EFEMP1: variants seen among roughly 807,000 people sequenced by gnomAD.
EFEMP1 encodes EGF-like fibulin extracellular matrix protein 1.
EFEMP1 carries 18 observed loss-of-function variants against 65.7 expected under a neutral mutation model. That is an observed-to-expected ratio of 0.27 (90% CI 0.19 to 0.41). The LOEUF is 0.41. Ranked by LOEUF, EFEMP1 falls within the 10% of genes least tolerant of loss-of-function variation. EFEMP1 has a pLI of 1.00. For missense variants in EFEMP1, 469 were observed against 624.8 expected, an observed-to-expected ratio of 0.75 and a Z score of 2.66; for synonymous variants, 237 against 219.7, an observed-to-expected ratio of 1.08 and a Z score of -0.70.
intron 5 of EFEMP1, among the ~76,000 whole-genome samples, chr2:55,901,442 A>C (rs929549819): frequency 1.3e-5 from 2 of 152,144 alleles, no homozygotes; most frequent in Admixed American, 1.3e-4. Context: ...ATTTTAGAAG[A>C]CTCAGGTCAG....
At position 55,886,310 on chromosome 2, in the gene EFEMP1, T is replaced by A. The variant is rs201236821; in HGVS notation, c.518-4576A>T. On this transcript the variant is annotated intron_variant, in intron 5 of 11. Transcript: ENST00000355426. This position sits in a 1 kb window ranked among gnomAD's most constrained non-coding sequence, Gnocchi z 4.0. Reference sequence around the variant, plus strand: ...GATTCTTCACAATATACTTTTTTTGTTTCCAGACTGTAAACCCCTGGAGTA... The same window carrying A: ...GATTCTTCACAATATACTTTTTTTGATTCCAGACTGTAAACCCCTGGAGTA... 1.3e-5 allele frequency among the ~76,000 whole-genome samples: 2 copies of A among 152,314 alleles called. No homozygotes were observed. The highest frequency in any genetic ancestry group is 3.9e-4 in the East Asian group (2 of 5,188).
chr2:55,875,969 G>GGTCA (rs1420049588), intron 8 of EFEMP1, among the ~76,000 whole-genome samples: 1 of 151,900 alleles, frequency 6.6e-6, no homozygotes, highest in African/African-American at 2.4e-5. Flanking sequence ...ACCGTGAGGA[G>GGTCA]GTCAGGGACA....
At chr2:55,901,034 T>C (rs73940340) in intron 5 of EFEMP1, among the ~76,000 whole-genome samples, 1,932 of 152,276 alleles carry the variant, frequency 0.013, 37 homozygotes, top group African/African-American at 0.043. Flanking sequence ...TAGTAGACTT[T>C]TGGGGCAAAA....
Position 55,866,275 on chromosome 2 carries a change from A to G in EFEMP1, c.*798T>C, listed in dbSNP as rs978829493. ...ATCCATTTTGTTCTGCATCTTGTGG[A>G]AGTCCTGAATTCAGGGATGTTATTA... is the stretch of plus-strand genomic sequence containing the variant. On this transcript the variant is annotated 3_prime_UTR_variant, in exon 12 of 12. Transcript: ENST00000355426. 1.3e-5 allele frequency: 2 copies of G among 152,190 alleles called. No individual in the cohort carries two copies. Among genetic ancestry groups the G allele is most frequent in the East Asian group, 3.9e-4 (2 of 5,194 alleles). 9.4% of individuals were successfully genotyped at this position (152,190 alleles called of 1,614,324 possible). A position where few individuals can be genotyped will look rare whatever the true frequency, so the allele number is the denominator to read the frequency against.
intron 5 of EFEMP1, among the ~76,000 whole-genome samples, chr2:55,909,065 A>G (rs1360288113): frequency 2.0e-5 from 3 of 152,190 alleles, no homozygotes; most frequent in Non-Finnish European, 4.4e-5. Flanking sequence ...TGAGACCTCC[A>G]TGTTAAAAGG....
chr2:55,869,411 A>G (rs1668714109), intron 11 of EFEMP1, among the ~76,000 whole-genome samples: 1 of 152,182 alleles, frequency 6.6e-6, no homozygotes, highest in South Asian at 2.1e-4. Flanking sequence ...TGTCAAATTT[A>G]AAATATCAAA....
In EFEMP1 at chr2:55,871,030, C is replaced by T; in HGVS notation, c.1094G>A (p.Cys365Tyr). The T allele has an allele frequency of 6.2e-7, 1 of 1,613,682 alleles. No homozygotes were observed. Among genetic ancestry groups the T allele is most frequent in the East Asian group, 2.2e-5 (1 of 44,882 alleles). ...GGFRCYPRNPCQDPYILTPEN... is the reference protein window; with the variant it reads ...GGFRCYPRNPYQDPYILTPEN... Reference sequence around the variant, plus strand: ...TGGTGTTAGAATGTAGGGATCTTGACAAGGATTTCGTGGATAACAACGGAA... The same window carrying T: ...TGGTGTTAGAATGTAGGGATCTTGATAAGGATTTCGTGGATAACAACGGAA... The change falls in exon 10 of 12, where the codon TGT becomes TAT. Residue 365 changes from cysteine (C) to tyrosine (Y), a missense_variant. Cys to Tyr is a radical substitution (Grantham distance 194). Around this residue, in one of 3 missense-constraint regions of EFEMP1, gnomAD observed 399 missense variants for 528.2 expected, o/e 0.76. Transcript: ENST00000355426. The surrounding 1 kb of genome is among the most constrained non-coding windows in gnomAD (Gnocchi z 4.2).
rs764264501 is a variant in EFEMP1 at position 55,881,664 on chromosome 2, G to C, written c.588C>G (p.Ser196=). 2 of 1,613,844 alleles carry C rather than the reference G, an allele frequency of 1.2e-6. No homozygotes were observed. Among genetic ancestry groups the C allele is most frequent in the Non-Finnish European group, 1.7e-6 (2 of 1,179,928 alleles). Reference sequence around the variant, plus strand: ...ATCCAGGAGGGCACTGACATGCAAAGGATCCCCGTAAATTGATGCACACTT... The same window carrying C: ...ATCCAGGAGGGCACTGACATGCAAACGATCCCCGTAAATTGATGCACACTT... The part of the protein sequence containing the change: ...ADQVCINLRG[S]FACQCPPGYQ... Residue 196 remains serine, a synonymous_variant, in exon 6 of 12, where the codon TCC becomes TCG. Transcript: ENST00000355426.
chr2:55,876,911 C>A (rs1316965812), intron 7 of EFEMP1, among the ~76,000 whole-genome samples, 169 bp from the exon 8 acceptor site: 1 of 152,008 alleles, frequency 6.6e-6, no homozygotes, highest in Non-Finnish European at 1.5e-5. Flanking sequence ...GGAGAACATC[C>A]ATTTAGGTTT....
At chr2:55,893,641 G>C (rs988950524) in intron 5 of EFEMP1, among the ~76,000 whole-genome samples, 1 of 152,164 alleles carries the variant, frequency 6.6e-6, no homozygotes, top group African/African-American at 2.4e-5. Flanking sequence ...GAGGTACCTG[G>C]TCCACAGTAA....
At chr2:55,874,231 C>T (rs1668934589) in intron 9 of EFEMP1, among the ~76,000 whole-genome samples, 1 of 151,604 alleles carries the variant, frequency 6.6e-6, no homozygotes, top group African/African-American at 2.4e-5. Flanking sequence ...CTAGCTTTTC[C>T]AGGATTTTCT....
intron 5 of EFEMP1, among the ~76,000 whole-genome samples, chr2:55,904,985 C>CTT (rs1168768201): frequency 0.056 from 1,306 of 23,170 alleles, 25 homozygotes; most frequent in South Asian, 0.33. Context: ...TTTTCTTTTT[C>CTT]TTTTTTTTTT....
Position 55,917,904 on chromosome 2 carries a change from C to T in EFEMP1, c.278G>A (p.Gly93Glu). The T allele has an allele frequency of 1.2e-6, 2 of 1,614,146 alleles. No individual in the cohort carries two copies. Among genetic ancestry groups the T allele is most frequent in the Non-Finnish European group, 1.7e-6 (2 of 1,180,024 alleles). ...AACCCCGGTGGTTGCCCCTGAGGTT[C>T]CTTCTGCTGGTTGTGTTTCCTGCTG... is the stretch of plus-strand genomic sequence containing the variant. ...QPQQETQPAE[G>E]TSGATTGVVA... The change falls in exon 5 of 12, where the codon GGA becomes GAA. Residue 93 changes from glycine (G) to glutamate (E), a missense_variant. This residue lies in a region of EFEMP1 where 399 missense variants were observed against 528.2 expected (regional missense o/e 0.76). Transcript: ENST00000355426. The surrounding 1 kb of genome is among the most constrained non-coding windows in gnomAD (Gnocchi z 6.3).
chr2:55,877,554 T>C lies in EFEMP1; in HGVS notation c.760+192A>G, dbSNP rs148073872. The stretch of plus-strand genomic sequence containing the variant: ...CACAGAGGAGAACTAAAACCAAAGT[T>C]AAAAAGTTTTCTGTTCACATCTTGA... On this transcript the variant is annotated intron_variant, in intron 7 of 11. Transcript: ENST00000355426. This position sits in a 1 kb window ranked among gnomAD's most constrained non-coding sequence, Gnocchi z 4.5. Among the ~76,000 whole-genome samples the C allele has an allele frequency of 6.6e-6, 1 of 152,322 alleles. No homozygotes were observed. The highest frequency in any genetic ancestry group is 1.9e-4 in the East Asian group (1 of 5,184).
In EFEMP1 at chr2:55,921,790, T is replaced by G. The variant is rs1670913952; in HGVS notation, c.81+570A>C. ...TGCACACATTACGTTTTAAAACCAC[T>G]TTAGCCAATATGCATCCTGGTAACA... On this transcript the variant is annotated intron_variant, in intron 3 of 11. Coordinates refer to ENST00000355426, the MANE Select transcript of EFEMP1 (RefSeq NM_001039348.3). This position sits in a 1 kb window ranked among gnomAD's most constrained non-coding sequence, Gnocchi z 4.1. Among the ~76,000 whole-genome samples the G allele has an allele frequency of 1.3e-5, 2 of 152,222 alleles. No homozygotes were observed. The highest frequency in any genetic ancestry group is 4.8e-5 in the African/African-American group (2 of 41,460).
In EFEMP1 at chr2:55,877,819, C is replaced by T; in HGVS notation, c.687G>A (p.Val229=). 1 of 1,613,294 alleles carries T rather than the reference C, an allele frequency of 6.2e-7. No homozygotes were observed. The highest frequency in any genetic ancestry group is 2.2e-5 in the East Asian group (1 of 44,852). ...GGCAATAAAATGAGCCTGGTGTATT[C>T]ACGCATCTTTGGTGGCAATATGGAG... ...TIPPYCHQRC[V]NTPGSFYCQC... Residue 229 remains valine, a synonymous_variant, in exon 7 of 12, where the codon GTG becomes GTA. Transcript: ENST00000355426. This position sits in a 1 kb window ranked among gnomAD's most constrained non-coding sequence, Gnocchi z 4.5.
intron 5 of EFEMP1, among the ~76,000 whole-genome samples, chr2:55,900,399 G>A (rs889196487): frequency 1.3e-5 from 2 of 151,828 alleles, no homozygotes; most frequent in East Asian, 1.9e-4. Context: ...CTGGCTGTGA[G>A]GCACCCATTT....
At chr2:55,900,033 G>C (rs1478647730) in intron 5 of EFEMP1, among the ~76,000 whole-genome samples, 1 of 152,076 alleles carries the variant, frequency 6.6e-6, no homozygotes, top group Admixed American at 6.5e-5. Context: ...TTCAGTCATA[G>C]AATGATTGAT....
Position 55,877,872 on chromosome 2 carries a change from T to C in EFEMP1, c.641-7A>G. 6.2e-7 allele frequency: 1 copy of C among 1,612,830 alleles called. No homozygotes were observed. Among genetic ancestry groups the C allele is most frequent in the Non-Finnish European group, 8.5e-7 (1 of 1,179,036 alleles). On this transcript the variant is annotated splice_region_variant and splice_polypyrimidine_tract_variant and intron_variant, in intron 6 of 11. Coordinates refer to ENST00000355426, the MANE Select transcript of EFEMP1 (RefSeq NM_001039348.3). The surrounding 1 kb of genome is among the most constrained non-coding windows in gnomAD (Gnocchi z 4.5). ...ATGGTACATTCATCTATGTCTAGGT[T>C]ATCAGGCACACACACAAAGAGAACC...
Sources: gnomAD v4.1 joint callset for allele counts (sites outside exome capture counted in the v4.1 genomes callset) on GRCh38, gnomAD v4.1.1 for gene constraint, gnomAD v4.1.1 regional missense constraint, Gnocchi (gnomAD v3.1) non-coding constraint, MANE v1.5 for transcripts, NCBI Gene and HGNC (gene_info 2026-07-23, HGNC 2026-07-21) for gene names.